The following ZNFX1 variants were observed in gnomAD, a reference collection of about 807,000 sequenced individuals.
The protein encoded by ZNFX1 is zinc finger NFX1-type containing 1.
Under a neutral mutation model 179.8 loss-of-function variants are expected in ZNFX1, and 78 were observed. That is an observed-to-expected ratio of 0.43 (90% CI 0.36 to 0.52). The LOEUF (loss-of-function observed/expected upper bound fraction) is 0.52. ZNFX1 is among the 20% of genes least tolerant of loss of function. The probability of loss-of-function intolerance (pLI) is 0.00; values close to 1 mark genes in which losing one functional copy is unlikely to be tolerated. For synonymous variants in ZNFX1, 848 were observed against 868.5 expected, an observed-to-expected ratio of 0.98 and a Z score of 0.42; for missense variants, 1,927 against 2,386.6, an observed-to-expected ratio of 0.81 and a Z score of 4.01.
Position 49,248,563 on chromosome 20 carries a change from C to T in ZNFX1, c.4461G>A (p.Gln1487=), listed in dbSNP as rs1301464701. 1 of 1,614,192 alleles carries T rather than the reference C, an allele frequency of 6.2e-7. No homozygotes were observed. Among genetic ancestry groups the T allele is most frequent in the Non-Finnish European group, 8.5e-7 (1 of 1,180,028 alleles). The change falls in exon 14 of 14, where the codon CAG becomes CAA. Residue 1487 remains glutamine, a synonymous_variant. Coordinates refer to ENST00000396105, the MANE Select transcript of ZNFX1 (RefSeq NM_021035.3). This position sits in a 1 kb window ranked among gnomAD's most constrained non-coding sequence, Gnocchi z 4.6. ...GGACACAGCGGTTCTGACAGGTCCG[C>T]TGGCAGGGTGGGCACTCACCAATGC... ...EPCIGECPPC[Q]RTCQNRCVHS...
Position 49,246,560 on chromosome 20 carries a change from G to C in ZNFX1, c.*707C>G, listed in dbSNP as rs974932843. The C allele has an allele frequency of 4.0e-5, 9 of 225,046 alleles. No individual in the cohort carries two copies. Among genetic ancestry groups the C allele is most frequent in the South Asian group, 9.9e-5 (2 of 20,184 alleles). The allele number at this position is 225,046 out of a possible 1,614,324, so 13.9% of individuals were successfully genotyped here. ...CTCTGTTTATTATGAGAGTTAGTCT[G>C]CAAATTAGGGCCTGGCAATTAGAAT... On this transcript the variant is annotated 3_prime_UTR_variant, in exon 14 of 14. Coordinates refer to ENST00000396105, the MANE Select transcript of ZNFX1 (RefSeq NM_021035.3).
intron 3 of ZNFX1, among the ~76,000 whole-genome samples, chr20:49,267,303 G>A (rs1981259735): frequency 6.6e-6 from 1 of 152,084 alleles, no homozygotes; most frequent in South Asian, 2.1e-4. Flanking sequence ...CACTACAGCA[G>A]GATAAGTAAC....
In ZNFX1 at chr20:49,257,130, G is replaced by A. The variant is rs556988209; in HGVS notation, c.2664+287C>T. ...CCTGAAGGCATTAAGTACTGAGACC[G>A]TGTTTGACCTGACTCATATGTGCTA... On this transcript the variant is annotated intron_variant, in intron 8 of 13. Transcript: ENST00000396105. Among the ~76,000 whole-genome samples, 3 of 152,290 alleles carry A rather than the reference G, an allele frequency of 2.0e-5. No homozygotes were observed. In the East Asian group the frequency reaches 5.8e-4, roughly 29 times the overall value.
At chr20:49,255,085 C>T (rs1352326690) in intron 9 of ZNFX1, among the ~76,000 whole-genome samples, 1 of 149,086 alleles carries the variant, frequency 6.7e-6, no homozygotes, top group Non-Finnish European at 1.5e-5. Context: ...TGCTCTGTCA[C>T]CCAGGCTGGA....
At chr20:49,253,004 A>G (rs1941947067) in intron 11 of ZNFX1, among the ~76,000 whole-genome samples, 174 bp from the exon 12 acceptor site, 1 of 152,324 alleles carries the variant, frequency 6.6e-6, no homozygotes, top group Non-Finnish European at 1.5e-5. Flanking sequence ...GGATTAGTAG[A>G]ACTAAAGGTG....
At position 49,247,198 on chromosome 20, in the gene ZNFX1, GTTCC is replaced by G; in HGVS notation, c.*65_*68del. 6.6e-7 allele frequency: 1 copy of G among 1,526,114 alleles called. No homozygotes were observed. Among genetic ancestry groups the G allele is most frequent in the Non-Finnish European group, 8.8e-7 (1 of 1,137,842 alleles). 94.5% of individuals were successfully genotyped at this position (1,526,114 alleles called of 1,614,324 possible). On this transcript the variant is annotated 3_prime_UTR_variant, in exon 14 of 14. Transcript: ENST00000396105. ...GGATGATAATAAAAAACAAACTTCA[GTTCC>G]TTCATTAGGGAGCTGGCCCCAGTCA...
chr20:49,260,251 T>C (rs975623005), intron 7 of ZNFX1, among the ~76,000 whole-genome samples: 14 of 145,880 alleles, frequency 9.6e-5, no homozygotes, highest in Non-Finnish European at 1.9e-4. Context: ...ATCACACCAC[T>C]GCACTCCAGC....
Position 49,247,263 on chromosome 20 carries a change from C to T in ZNFX1, c.*4G>A. The stretch of plus-strand genomic sequence containing the variant: ...AGGGCAAAAGGCAGTGGTGTACCAT[C>T]TTCCTACATCATCCCCTGGATCTCC... On this transcript the variant is annotated 3_prime_UTR_variant, in exon 14 of 14. Transcript: ENST00000396105. The T allele has an allele frequency of 1.3e-6, 2 of 1,596,292 alleles. No homozygotes were observed. The highest frequency in any genetic ancestry group is 8.6e-7 in the Non-Finnish European group (1 of 1,168,946).
intron 2 of ZNFX1, among the ~76,000 whole-genome samples, chr20:49,273,065 C>G (rs1035955807): frequency 6.6e-6 from 1 of 152,138 alleles, no homozygotes; most frequent in Non-Finnish European, 1.5e-5. Flanking sequence ...ATACCATTTC[C>G]TGACATCAGA....
intron 2 of ZNFX1, among the ~76,000 whole-genome samples, chr20:49,272,739 T>C (rs1367275291): frequency 1.3e-5 from 2 of 152,158 alleles, no homozygotes; most frequent in African/African-American, 4.8e-5. Context: ...AAGAGAAAGG[T>C]GGGGTTTCCT....
chr20:49,257,561 C>T lies in ZNFX1; in HGVS notation c.2520G>A (p.Glu840=). ...GCCGCTGGGGCCTCACCACCTCTTC[C>T]TCCTCAATCACCCGGTCTGCTTGAA... ...DLIQADRVIE[E]EEVVRPQRRK... Residue 840 remains glutamate, a synonymous_variant, in exon 8 of 14, where the codon GAG becomes GAA. Coordinates refer to ENST00000396105, the MANE Select transcript of ZNFX1 (RefSeq NM_021035.3). The T allele has an allele frequency of 1.2e-6, 2 of 1,613,998 alleles. No homozygotes were observed. Among genetic ancestry groups the T allele is most frequent in the Non-Finnish European group, 8.5e-7 (1 of 1,180,022 alleles).
chr20:49,268,107 C>T (rs1008405921), intron 3 of ZNFX1, among the ~76,000 whole-genome samples: 7 of 151,908 alleles, frequency 4.6e-5, no homozygotes, highest in Non-Finnish European at 8.8e-5. Flanking sequence ...GATCTCCTGA[C>T]CTTGTGATCC....
chr20:49,255,352 C>CTT (rs199823035), intron 9 of ZNFX1, among the ~76,000 whole-genome samples: 1 of 145,660 alleles, frequency 6.9e-6, no homozygotes, highest in Admixed American at 6.9e-5. Context: ...CTCTCCTACT[C>CTT]TTTTTTTTTT....
At chr20:49,274,966 CA>C (rs71186447) in intron 2 of ZNFX1, among the ~76,000 whole-genome samples, 102,333 of 149,768 alleles carry the variant, frequency 0.68, 35,855 homozygotes, top group Non-Finnish European at 0.77. Context: ...ACTGAAAATA[CA>C]AAAAAATTAG....
At position 49,246,995 on chromosome 20, in the gene ZNFX1, A is replaced by G. The variant is rs563691234; in HGVS notation, c.*272T>C. The G allele has an allele frequency of 7.4e-4, 326 of 439,690 alleles. 1 individual carries two copies. The highest frequency in any genetic ancestry group is 1.1e-3 in the Non-Finnish European group (249 of 236,170). 27.2% of individuals were successfully genotyped at this position (439,690 alleles called of 1,614,324 possible). On this transcript the variant is annotated 3_prime_UTR_variant, in exon 14 of 14. Coordinates refer to ENST00000396105, the MANE Select transcript of ZNFX1 (RefSeq NM_021035.3). ...GCGATTCTTCTGCCTCAGCCTCCCA[A>G]GTAGCTGGGATTACAGGCGCCCGCC...
At chr20:49,266,396 G>T in intron 3 of ZNFX1, 130 bp from the exon 4 acceptor site, 1 of 963,974 alleles carries the variant, frequency 1.0e-6, no homozygotes, top group Non-Finnish European at 1.5e-6. Flanking sequence ...AGCGTACATT[G>T]TATATTGTGA....
chr20:49,277,529 G>C (rs573629228), intron 1 of ZNFX1, among the ~76,000 whole-genome samples: 2 of 151,682 alleles, frequency 1.3e-5, no homozygotes, highest in East Asian at 3.9e-4. Flanking sequence ...TGGCAGAAGG[G>C]AGGGCACAGA....
intron 3 of ZNFX1, among the ~76,000 whole-genome samples, chr20:49,268,369 C>T (rs567719177): frequency 5.8e-4 from 89 of 152,284 alleles, no homozygotes; most frequent in African/African-American, 1.9e-3. Context: ...CATTTGACCT[C>T]TAGCAATCTT....
chr20:49,266,668 A>ACCCCCC (rs76320074), intron 3 of ZNFX1, among the ~76,000 whole-genome samples: 1 of 61,038 alleles, frequency 1.6e-5, no homozygotes, highest in Non-Finnish European at 3.1e-5. Flanking sequence ...CATCCCCCCC[A>ACCCCCC]CCCCCCCCTT....
Sources: allele counts gnomAD v4.1 joint callset (sites outside exome capture counted in the v4.1 genomes callset), GRCh38; gene constraint gnomAD v4.1.1; non-coding constraint Gnocchi (gnomAD v3.1); transcripts MANE v1.5; gene names NCBI Gene and HGNC (gene_info 2026-07-23, HGNC 2026-07-21).